RBFOX1: variants seen among roughly 807,000 people sequenced by gnomAD.
The protein encoded by RBFOX1 is RNA binding protein fox-1 homolog 1.
Under a neutral mutation model 57.7 loss-of-function variants are expected in RBFOX1, and 8 were observed. The ratio of observed to expected loss-of-function variants is 0.14; its 90% CI spans 0.08 to 0.25. RBFOX1 has a LOEUF of 0.25. Among genes scored for constraint, RBFOX1 ranks in the 10% least tolerant of loss-of-function variants. The pLI is 1.00. For synonymous variants in RBFOX1, 326 were observed against 222.4 expected, an observed-to-expected ratio of 1.47 and a Z score of -4.15; for missense variants, 611 against 548.5, an observed-to-expected ratio of 1.11 and a Z score of -1.14.
chr16:7,518,125 C>T (rs767564387), intron 4 of RBFOX1, 22 bp from the exon 5 acceptor site: 1 of 1,601,472 alleles, frequency 6.2e-7, no homozygotes, highest in African/African-American at 1.3e-5. Context: ...CTCTCCCTCT[C>T]TGCACCTTTT....
chr16:7,066,933 G>A (rs954953362), intron 4 of RBFOX1, among the ~76,000 whole-genome samples: 1 of 152,166 alleles, frequency 6.6e-6, no homozygotes, highest in African/African-American at 2.4e-5. Context: ...TCATGTGGTA[G>A]TTTATATACC....
At chr16:6,169,308 A>G (rs987481094) in intron 1 of RBFOX1, among the ~76,000 whole-genome samples, 9 of 152,154 alleles carry the variant, frequency 5.9e-5, no homozygotes, top group African/African-American at 1.9e-4. Context: ...GGATTAATGC[A>G]CTTTGTTATC....
At chr16:7,708,463 C>A (rs150445303) in intron 14 of RBFOX1, among the ~76,000 whole-genome samples, 1 of 151,766 alleles carries the variant, frequency 6.6e-6, no homozygotes, top group African/African-American at 2.4e-5. Flanking sequence ...GACAGAAGTT[C>A]TGGAATAATA....
chr16:6,486,622 A>G (rs1037987565), intron 2 of RBFOX1, among the ~76,000 whole-genome samples: 2 of 143,220 alleles, frequency 1.4e-5, no homozygotes, highest in African/African-American at 5.1e-5. Flanking sequence ...CGAACATAAA[A>G]AGAAATGAGG....
chr16:6,712,142 A>G (rs190937885), intron 3 of RBFOX1, among the ~76,000 whole-genome samples: 13 of 152,314 alleles, frequency 8.5e-5, no homozygotes, highest in Middle Eastern at 3.4e-3. Flanking sequence ...TGAATGAATG[A>G]TGGAATGTAG....
intron 4 of RBFOX1, among the ~76,000 whole-genome samples, chr16:7,125,260 C>T (rs1020231784): frequency 6.6e-6 from 1 of 152,120 alleles, no homozygotes; most frequent in African/African-American, 2.4e-5. Context: ...GGTTGTCGTT[C>T]AGCCTTTCTA....
chr16:6,637,199 A>G lies in RBFOX1; in HGVS notation c.-63-17404A>G, dbSNP rs181289132. 1.3e-3 allele frequency among the ~76,000 whole-genome samples: 81 copies of G among 61,868 alleles called. 4 individuals carry two copies. Among genetic ancestry groups the G allele is most frequent in the Middle Eastern group, 0.02 (1 of 50 alleles). The allele number at this position is 61,868 out of a possible 152,430, so 40.6% of individuals were successfully genotyped here. On this transcript the variant is annotated intron_variant, in intron 2 of 15. Transcript: ENST00000550418. ...TATTATATAATATACAATATATATT[A>G]TATATTATATATATTATATAATATA...
At chr16:6,250,696 TGGAGTA>T (rs2097602875) in intron 1 of RBFOX1, among the ~76,000 whole-genome samples, 1 of 152,178 alleles carries the variant, frequency 6.6e-6, no homozygotes, top group African/African-American at 2.4e-5. Flanking sequence ...GTTCTCAGCA[TGGAGTA>T]TGTTGCAGAG....
chr16:6,602,630 T>G (rs1204090481), intron 2 of RBFOX1, among the ~76,000 whole-genome samples: 3 of 152,168 alleles, frequency 2.0e-5, no homozygotes, highest in African/African-American at 7.2e-5. Flanking sequence ...CCAGTTCCAT[T>G]TGGCTCATCT....
intron 13 of RBFOX1, among the ~76,000 whole-genome samples, chr16:7,672,972 T>G (rs1319461713): frequency 6.6e-6 from 1 of 151,632 alleles, no homozygotes; most frequent in Non-Finnish European, 1.5e-5. Flanking sequence ...ATTTAAGTTG[T>G]ATGTGTATAT....
At chr16:6,871,129 T>C (rs777148173) in intron 3 of RBFOX1, among the ~76,000 whole-genome samples, 1 of 152,228 alleles carries the variant, frequency 6.6e-6, no homozygotes, top group African/African-American at 2.4e-5. Context: ...TTGATGAAGG[T>C]TCCTTTCTTT....
intron 3 of RBFOX1, among the ~76,000 whole-genome samples, chr16:6,747,076 G>A (rs1306518012): frequency 1.3e-5 from 2 of 152,076 alleles, no homozygotes; most frequent in African/African-American, 4.8e-5. Flanking sequence ...CGGTACCATA[G>A]CAGGTCCCTA....
At chr16:5,546,115 C>G (rs1358974525) in intron 2 of RBFOX1, among the ~76,000 whole-genome samples, 1 of 152,050 alleles carries the variant, frequency 6.6e-6, no homozygotes, top group Non-Finnish European at 1.5e-5. Context: ...ATAAGTCTGA[C>G]TAAATTTGTA....
intron 3 of RBFOX1, among the ~76,000 whole-genome samples, chr16:5,776,764 T>A (rs559778245): frequency 6.6e-6 from 1 of 152,306 alleles, no homozygotes; most frequent in African/African-American, 2.4e-5. Flanking sequence ...GTTGTCCTTA[T>A]GCAAATATCT....
rs953985866 is a variant in RBFOX1, at chr16:6,796,783, C to T, written c.-16+142133C>T. 3.3e-5 allele frequency among the ~76,000 whole-genome samples: 5 copies of T among 152,152 alleles called. 1 individual carries two copies. The highest frequency in any genetic ancestry group is 9.7e-5 in the African/African-American group (4 of 41,402). Reference sequence around the variant, plus strand: ...TGGGCCTACATCTGCCTTCCAACTTCTTCTATGTCCCTCAGTCATAAATAT... The same window carrying T: ...TGGGCCTACATCTGCCTTCCAACTTTTTCTATGTCCCTCAGTCATAAATAT... On this transcript the variant is annotated intron_variant, in intron 3 of 15. Coordinates refer to ENST00000550418, the MANE Select transcript of RBFOX1 (RefSeq NM_018723.4).
intron 3 of RBFOX1, among the ~76,000 whole-genome samples, chr16:5,679,222 A>G (rs1567386347): frequency 6.6e-6 from 1 of 152,184 alleles, no homozygotes; most frequent in Non-Finnish European, 1.5e-5. Flanking sequence ...TAATCCAACC[A>G]GGAGTTTTCT....
intron 2 of RBFOX1, among the ~76,000 whole-genome samples, chr16:6,399,655 C>T (rs532826157): frequency 6.6e-6 from 1 of 152,356 alleles, no homozygotes. Context: ...GTTCCAAAGT[C>T]ACTTCCACAT....
intron 4 of RBFOX1, among the ~76,000 whole-genome samples, chr16:7,210,404 T>G (rs1163306219): frequency 6.6e-6 from 1 of 152,184 alleles, no homozygotes; most frequent in Non-Finnish European, 1.5e-5. Flanking sequence ...CTCACAGTTT[T>G]GCTCTTAAGG....
At chr16:7,304,826 G>C (rs2096133846) in intron 4 of RBFOX1, among the ~76,000 whole-genome samples, 1 of 152,112 alleles carries the variant, frequency 6.6e-6, no homozygotes, top group Non-Finnish European at 1.5e-5. Flanking sequence ...CTAAGAGTTT[G>C]AATCTTTGTG....
Sources: allele counts gnomAD v4.1 joint callset (sites outside exome capture counted in the v4.1 genomes callset), GRCh38; gene constraint gnomAD v4.1.1; transcripts MANE v1.5; gene names NCBI Gene and HGNC (gene_info 2026-07-23, HGNC 2026-07-21).